Variants in DDX23 observed in about 807,000 individuals in gnomAD.
DDX23 encodes the protein DEAD-box helicase 23, also known as probable ATP-dependent RNA helicase DDX23.
DDX23 carries 33 observed loss-of-function variants against 102.7 expected under a neutral mutation model. That is an observed-to-expected ratio of 0.32 (90% confidence interval 0.24 to 0.43). The LOEUF is 0.43. Among genes scored for constraint, DDX23 ranks in the 20% least tolerant of loss-of-function variants. The probability of loss-of-function intolerance (pLI) is 1.00; values close to 1 mark genes in which losing one functional copy is unlikely to be tolerated. For missense variants in DDX23, 549 were observed against 1,086.6 expected (o/e 0.51, Z 6.96); for synonymous variants, 352 against 376.0 (o/e 0.94, Z 0.74).
Position 48,830,683 on chromosome 12 carries a change from T to G in DDX23, c.2249A>C (p.His750Pro). ...TGCTCGTCCCGTGCGGCCAATGCGG[T>G]GGATGTAATCTGGGGAATGGGAAGA... ...DMAKNIEDYI[H>P]RIGRTGRAGK... Residue 750 changes from histidine (H) to proline (P), a missense_variant, in exon 17 of 17, where the codon CAC (histidine) becomes CCC (proline). Transcript: ENST00000308025. The surrounding 1 kb of genome is among the most constrained non-coding windows in gnomAD (Gnocchi z 4.9). The G allele has an allele frequency of 6.2e-7, 1 of 1,608,262 alleles. No homozygotes were observed. Among genetic ancestry groups the G allele is most frequent in the Non-Finnish European group, 8.5e-7 (1 of 1,176,784 alleles).
At chr12:48,849,788 G>A (rs1194489016) in intron 1 of DDX23, among the ~76,000 whole-genome samples, 1 of 152,228 alleles carries the variant, frequency 6.6e-6, no homozygotes, top group Non-Finnish European at 1.5e-5. Context: ...CAGAGGCCTG[G>A]GAGGAAAATA....
chr12:48,838,523 C>G (rs544086078), intron 5 of DDX23, among the ~76,000 whole-genome samples: 20 of 151,206 alleles, frequency 1.3e-4, no homozygotes, highest in African/African-American at 4.4e-4. Context: ...GTACTTTAGC[C>G]TGGGCAAACG....
intron 12 of DDX23, 56 bp from the exon 13 acceptor site, chr12:48,833,575 C>T (rs979117342): frequency 9.5e-6 from 15 of 1,582,402 alleles, no homozygotes; most frequent in Non-Finnish European, 1.3e-5. Flanking sequence ...CTTTTCTTTC[C>T]TGTGAACTAT....
chr12:48,831,404 G>T, intron 15 of DDX23, 88 bp from the exon 16 acceptor site: 2 of 1,290,080 alleles, frequency 1.6e-6, no homozygotes, highest in Non-Finnish European at 2.2e-6. Context: ...GATGAAGGGA[G>T]GGTTGGAGAG....
chr12:48,850,954 A>G (rs1320868186), intron 1 of DDX23, among the ~76,000 whole-genome samples: 3 of 152,198 alleles, frequency 2.0e-5, no homozygotes, highest in African/African-American at 7.2e-5. Context: ...TACAGGTTCT[A>G]TTATCACAAG....
At chr12:48,849,608 GAGAT>G (rs1233630828) in intron 1 of DDX23, among the ~76,000 whole-genome samples, 3 of 151,150 alleles carry the variant, frequency 2.0e-5, no homozygotes, top group Non-Finnish European at 4.4e-5. Flanking sequence ...GTTGTGAGCC[GAGAT>G]AGTGCCACTG....
rs771800752 is a variant in DDX23 at position 48,843,969 on chromosome 12, G to A, written c.291C>T (p.His97=). 2 of 1,614,064 alleles carry A rather than the reference G, an allele frequency of 1.2e-6. No homozygotes were observed. Among genetic ancestry groups the A allele is most frequent in the South Asian group, 1.1e-5 (1 of 91,064 alleles). The change falls in exon 3 of 17, where the codon CAC becomes CAT. Residue 97 remains histidine (H), a synonymous_variant. Transcript: ENST00000308025. ...ATCGTTTACGGTCCTTGTCCCGTCT[G>A]TGCCCATCCTTGTCTCGATCTCGGT... is the stretch of plus-strand genomic sequence containing the variant. ...KKDRDRDKDG[H]RRDKDRKRSS...
chr12:48,835,153 G>A (rs1938449192), intron 11 of DDX23: 1 of 247,764 alleles, frequency 4.0e-6, no homozygotes, highest in South Asian at 4.0e-5. Flanking sequence ...GCTGAGGTAG[G>A]AGGATATGAG....
intron 1 of DDX23, chr12:48,847,211 A>T (rs1300865297): frequency 6.6e-6 from 1 of 152,236 alleles, no homozygotes; most frequent in Non-Finnish European, 1.5e-5. Flanking sequence ...CATCATGGCT[A>T]TCACACAGAA....
Position 48,832,654 on chromosome 12 carries a change from G to C in DDX23, c.1804-81C>G. ...CTGTCACCGAAGGCAGGTCAGCCCA[G>C]ACTAAAGAATCTAAAATGGGCCACA... is the stretch of plus-strand genomic sequence containing the variant. On this transcript the variant is annotated intron_variant, in intron 13 of 16. Coordinates refer to ENST00000308025, the MANE Select transcript of DDX23 (RefSeq NM_004818.3). The surrounding 1 kb of genome is among the most constrained non-coding windows in gnomAD (Gnocchi z 4.4). 1 of 1,529,066 alleles carries C rather than the reference G, an allele frequency of 6.5e-7. No homozygotes were observed. Among genetic ancestry groups the C allele is most frequent in the Non-Finnish European group, 8.8e-7 (1 of 1,133,090 alleles). The allele number at this position is 1,529,066 out of a possible 1,614,324, so 94.7% of individuals were successfully genotyped here.
At chr12:48,831,034 C>G (rs1938378577) in intron 16 of DDX23, 108 bp downstream of exon 16, 1 of 1,284,262 alleles carries the variant, frequency 7.8e-7, no homozygotes, top group Non-Finnish European at 1.1e-6. Context: ...AGACTTGGAA[C>G]TGAGGGAGGC....
chr12:48,842,392 A>G (rs1456922209), intron 3 of DDX23, among the ~76,000 whole-genome samples: 26 of 114,344 alleles, frequency 2.3e-4, no homozygotes, highest in Middle Eastern at 6.3e-3. Context: ...CCGTCCGGGA[A>G]GGAGGTGGGG....
chr12:48,842,519 G>A lies in DDX23; in HGVS notation c.320+1421C>T, dbSNP rs1218200919. 5.9e-4 allele frequency among the ~76,000 whole-genome samples: 80 copies of A among 136,206 alleles called. 1 individual carries two copies. The highest frequency in any genetic ancestry group is 1.7e-3 in the African/African-American group (60 of 35,866). The allele number at this position is 136,206 out of a possible 152,430, so 89.4% of individuals were successfully genotyped here. ...AGGTGGGGGGGTCAGCCCCCCGCCC[G>A]GCCAGCCGCCCCGTCCGGGAGGGAG... On this transcript the variant is annotated intron_variant, in intron 3 of 16. Coordinates refer to ENST00000308025, the MANE Select transcript of DDX23 (RefSeq NM_004818.3).
At chr12:48,835,968 C>T (rs965782248) in intron 11 of DDX23, among the ~76,000 whole-genome samples, 153 bp downstream of exon 11, 7 of 152,160 alleles carry the variant, frequency 4.6e-5, no homozygotes, top group East Asian at 3.8e-4. Flanking sequence ...TATACTTCTT[C>T]GATATCATGA....
Position 48,837,053 on chromosome 12 carries a change from A to C in DDX23, c.867-16T>G. 1 of 1,613,390 alleles carries C rather than the reference A, an allele frequency of 6.2e-7. No homozygotes were observed. The highest frequency in any genetic ancestry group is 8.5e-7 in the Non-Finnish European group (1 of 1,179,866). On this transcript the variant is annotated splice_polypyrimidine_tract_variant and intron_variant, in intron 8 of 16. Transcript: ENST00000308025. ...TTCTTTGTACCTGGGATTGAGATAG[A>C]GGAAAAGAAAAAAGAAGGAGCTGTT...
At chr12:48,841,956 C>T (rs1339306691) in intron 3 of DDX23, among the ~76,000 whole-genome samples, 33 of 151,154 alleles carry the variant, frequency 2.2e-4, no homozygotes, top group Admixed American at 1.4e-3. Flanking sequence ...TCTGCCCTGC[C>T]GCCCCGTCTG....
At chr12:48,842,449 A>G (rs11168754) in intron 3 of DDX23, among the ~76,000 whole-genome samples, 44,051 of 95,116 alleles carry the variant, frequency 0.46, 9,136 homozygotes, top group East Asian at 0.63. Context: ...GGAGGGAGGT[A>G]GGGGGGTCAG....
chr12:48,837,637 G>C lies in DDX23; in HGVS notation c.640C>G (p.Arg214Gly). The C allele has an allele frequency of 6.2e-7, 1 of 1,613,928 alleles. No individual in the cohort carries two copies. Among genetic ancestry groups the C allele is most frequent in the Non-Finnish European group, 8.5e-7 (1 of 1,179,992 alleles). ...KMLEDPQERE[R>G]RERRERMERE... is the part of the protein sequence containing the mutation. ...TCCATCCTCTCCCTGCGTTCCCGACGTTCCCGTTCCTGAGGATCTTCTGCA... is the reference window on the plus strand; with the variant it reads ...TCCATCCTCTCCCTGCGTTCCCGACCTTCCCGTTCCTGAGGATCTTCTGCA... The change falls in exon 7 of 17, where the codon CGT becomes GGT. Residue 214 changes from arginine (R) to glycine (G), a missense_variant. Arg to Gly is a moderately radical substitution (Grantham distance 125). This residue lies in a region of DDX23 where 270 missense variants were observed against 707.0 expected (regional missense o/e 0.38). Coordinates refer to ENST00000308025, the MANE Select transcript of DDX23 (RefSeq NM_004818.3).
chr12:48,835,848 G>A (rs1274188502), intron 11 of DDX23, among the ~76,000 whole-genome samples: 1 of 152,102 alleles, frequency 6.6e-6, no homozygotes, highest in Non-Finnish European at 1.5e-5. Flanking sequence ...CTGAGATCGT[G>A]CCACTGCACT....
Sources: allele counts gnomAD v4.1 joint callset (sites outside exome capture counted in the v4.1 genomes callset), GRCh38; gene constraint gnomAD v4.1.1; regional missense constraint gnomAD v4.1.1; non-coding constraint Gnocchi (gnomAD v3.1); transcripts MANE v1.5; gene names NCBI Gene and HGNC (gene_info 2026-07-23, HGNC 2026-07-21).